HCN4: variants seen among roughly 807,000 people sequenced by gnomAD.
HCN4 encodes the protein potassium/sodium hyperpolarization-activated cyclic nucleotide-gated channel 4.
HCN4 carries 29 observed loss-of-function variants against 76.9 expected under a neutral mutation model. The ratio of observed to expected loss-of-function variants is 0.38; its 90% CI spans 0.28 to 0.51. The LOEUF (loss-of-function observed/expected upper bound fraction) is 0.51. HCN4 is among the 20% of genes least tolerant of loss of function. HCN4 has a pLI of 0.90. For missense variants in HCN4, 1,416 were observed against 1,715.2 expected (o/e 0.83, Z 3.08); for synonymous variants, 772 against 762.5 (o/e 1.01, Z -0.21).
chr15:73,365,452 T>C (rs1345788076), intron 1 of HCN4, among the ~76,000 whole-genome samples: 1 of 152,204 alleles, frequency 6.6e-6, no homozygotes, highest in African/African-American at 2.4e-5. Flanking sequence ...ACAATTCTGC[T>C]GTATCCCCGC....
chr15:73,352,339 C>T lies in HCN4; in HGVS notation c.786-8531G>A, dbSNP rs1007301795. On this transcript the variant is annotated intron_variant, in intron 1 of 7. Coordinates refer to ENST00000261917, the MANE Select transcript of HCN4 (RefSeq NM_005477.3). ...CCCTCAGAAACAGACTCCTTCCCAC[C>T]AGGCTTCCACAAGCCTCCGACAATC... 2.2e-4 allele frequency among the ~76,000 whole-genome samples: 34 copies of T among 152,330 alleles called. 1 individual carries two copies. Among genetic ancestry groups the T allele is most frequent in the African/African-American group, 8.2e-4 (34 of 41,576 alleles).
rs535266965 is a variant in HCN4 at position 73,347,499 on chromosome 15, G to C, written c.786-3691C>G. On this transcript the variant is annotated intron_variant, in intron 1 of 7. Transcript: ENST00000261917. Reference sequence around the variant, plus strand: ...GCTCCTGATGCTAGGGCTGTCTGAGGTAGAGGAAGTAGCACACCTCTCAAG... The same window carrying C: ...GCTCCTGATGCTAGGGCTGTCTGAGCTAGAGGAAGTAGCACACCTCTCAAG... Among the ~76,000 whole-genome samples, 60 of 152,174 alleles carry C rather than the reference G, an allele frequency of 3.9e-4. 1 individual carries two copies. The highest frequency in any genetic ancestry group is 6.6e-4 in the Non-Finnish European group (45 of 68,036).
rs2043143194 is a variant in HCN4, at chr15:73,368,747, G to C, written c.-477C>G. 1 of 152,012 alleles carries C rather than the reference G, an allele frequency of 6.6e-6. No individual in the cohort carries two copies. The highest frequency in any genetic ancestry group is 6.6e-5 in the Admixed American group (1 of 15,260). 9.4% of individuals were successfully genotyped at this position (152,012 alleles called of 1,614,324 possible). On this transcript the variant is annotated 5_prime_UTR_variant, in exon 1 of 8. Coordinates refer to ENST00000261917, the MANE Select transcript of HCN4 (RefSeq NM_005477.3). This position sits in a 1 kb window ranked among gnomAD's most constrained non-coding sequence, Gnocchi z 6.9. ...GTCTCGCCGCCCGGGCTTTGTGGCTGGCCACCCGCGAGCTCGCCTCGCCTC... is the reference window on the plus strand; with the variant it reads ...GTCTCGCCGCCCGGGCTTTGTGGCTCGCCACCCGCGAGCTCGCCTCGCCTC...
At chr15:73,361,121 C>G (rs191695776) in intron 1 of HCN4, among the ~76,000 whole-genome samples, 1 of 152,244 alleles carries the variant, frequency 6.6e-6, no homozygotes, top group Non-Finnish European at 1.5e-5. Flanking sequence ...ACCCACTATG[C>G]TGGCCAAACA....
At chr15:73,341,239 C>A (rs1457442386) in intron 2 of HCN4, among the ~76,000 whole-genome samples, 1 of 152,040 alleles carries the variant, frequency 6.6e-6, no homozygotes, top group East Asian at 1.9e-4. Flanking sequence ...CTCCTGGGTT[C>A]AAGCAATTCT....
In HCN4 at chr15:73,328,713, G is replaced by A. The variant is rs2042914858; in HGVS notation, c.1590+860C>T. On this transcript the variant is annotated intron_variant, in intron 4 of 7. Transcript: ENST00000261917. This position sits in a 1 kb window ranked among gnomAD's most constrained non-coding sequence, Gnocchi z 4.0. The stretch of plus-strand genomic sequence containing the variant: ...AGCTGGGGTAGGGCCCAGGTGGCCT[G>A]ACTCCAGGCCACAGGACTCATTCTC... Among the ~76,000 whole-genome samples the A allele has an allele frequency of 3.3e-5, 5 of 152,124 alleles. No homozygotes were observed. The South Asian group carries it at 8.3e-4, about 25-fold the overall frequency.
At chr15:73,350,120 G>A (rs1037678017) in intron 1 of HCN4, among the ~76,000 whole-genome samples, 4 of 152,084 alleles carry the variant, frequency 2.6e-5, no homozygotes, top group Admixed American at 2.0e-4. Flanking sequence ...CAGTTGTGCT[G>A]CACCTGTTTT....
At position 73,367,566 on chromosome 15, in the gene HCN4, G is replaced by C. The variant is rs769727427; in HGVS notation, c.705C>G (p.Gly235=). 6.8e-6 allele frequency: 11 copies of C among 1,614,048 alleles called. No homozygotes were observed. In the South Asian group the frequency reaches 1.1e-4, roughly 16 times the overall value. Residue 235 remains glycine, a synonymous_variant, in exon 1 of 8, where the codon GGC becomes GGG. Coordinates refer to ENST00000261917, the MANE Select transcript of HCN4 (RefSeq NM_005477.3). This position sits in a 1 kb window ranked among gnomAD's most constrained non-coding sequence, Gnocchi z 7.5. ...GTTCGCGCTCCACGGCTTTCTGGCT[G>C]CCGAACATCCTTAGGGAGAATTTGT... ...GVNKFSLRMF[G]SQKAVEREQE...
chr15:73,334,652 G>A lies in HCN4; in HGVS notation c.1210-2360C>T, dbSNP rs114978702. 9.1e-3 allele frequency among the ~76,000 whole-genome samples: 1,377 copies of A among 151,930 alleles called. 23 individuals are homozygous for A. Among genetic ancestry groups the A allele is most frequent in the African/African-American group, 0.032 (1,309 of 41,410 alleles). Reference sequence around the variant, plus strand: ...CAGCACCATTCACGGTCTCAGAGCCGGCCATCCTCCACACCTGCCTCCCCA... The same window carrying A: ...CAGCACCATTCACGGTCTCAGAGCCAGCCATCCTCCACACCTGCCTCCCCA... On this transcript the variant is annotated intron_variant, in intron 2 of 7. Coordinates refer to ENST00000261917, the MANE Select transcript of HCN4 (RefSeq NM_005477.3).
In HCN4 at chr15:73,328,267, C is replaced by T. The variant is rs1042739153; in HGVS notation, c.1590+1306G>A. Among the ~76,000 whole-genome samples, 5 of 151,492 alleles carry T rather than the reference C, an allele frequency of 3.3e-5. No homozygotes were observed. The highest frequency in any genetic ancestry group is 4.9e-5 in the African/African-American group (2 of 41,170). The stretch of plus-strand genomic sequence containing the variant: ...GGGAGGAGAGTTGAGGGTGAAAGCC[C>T]GTGTCTGGGTCCCATGGCAGGAGCA... On this transcript the variant is annotated intron_variant, in intron 4 of 7. Coordinates refer to ENST00000261917, the MANE Select transcript of HCN4 (RefSeq NM_005477.3). The surrounding 1 kb of genome is among the most constrained non-coding windows in gnomAD (Gnocchi z 4.0).
chr15:73,367,961 C>A lies in HCN4; in HGVS notation c.310G>T (p.Gly104Cys), dbSNP rs757662055. The stretch of plus-strand genomic sequence containing the variant: ...CCGCCGCTGCCGCCGCCCCGGCTGC[C>A]CAGCGAGGCCAGGCTCCCGCGGAAG... Reference protein sequence around the residue: ...RRFRGSLASLGSRGGGSGGTG... With the variant: ...RRFRGSLASLCSRGGGSGGTG... Residue 104 changes from glycine to cysteine, a missense_variant, in exon 1 of 8, where the codon GGC (glycine) becomes TGC (cysteine). Gly to Cys is a radical substitution (Grantham distance 159). This residue lies in a region of HCN4 where 355 missense variants were observed against 347.8 expected (regional missense o/e 1.02). Transcript: ENST00000261917. This position sits in a 1 kb window ranked among gnomAD's most constrained non-coding sequence, Gnocchi z 7.5. 1.5e-6 allele frequency: 2 copies of A among 1,346,680 alleles called. No homozygotes were observed. Among genetic ancestry groups the A allele is most frequent in the East Asian group, 3.0e-5 (1 of 33,234 alleles). 83.4% of individuals were successfully genotyped at this position (1,346,680 alleles called of 1,614,324 possible).
At chr15:73,324,856 G>A (rs1179448223) in intron 6 of HCN4, 99 bp downstream of exon 6, 3 of 1,462,738 alleles carry the variant, frequency 2.1e-6, no homozygotes, top group South Asian at 1.2e-5. Flanking sequence ...TCCAGGCTGT[G>A]GCCAAGAAGG....
intron 1 of HCN4, among the ~76,000 whole-genome samples, chr15:73,357,840 C>T (rs1165136876): frequency 2.6e-5 from 4 of 152,170 alleles, no homozygotes; most frequent in Admixed American, 1.3e-4. Flanking sequence ...GTCCCTGGCC[C>T]CCAGGGACTG....
intron 1 of HCN4, among the ~76,000 whole-genome samples, chr15:73,358,276 GA>G (rs1182398807): frequency 6.6e-6 from 1 of 152,220 alleles, no homozygotes; most frequent in Admixed American, 6.5e-5. Context: ...CTAATGGCAT[GA>G]ACGGGACCTG....
Position 73,343,525 on chromosome 15 carries a change from G to A in HCN4, c.1069C>T (p.Leu357Phe). 1 of 1,614,212 alleles carries A rather than the reference G, an allele frequency of 6.2e-7. No homozygotes were observed. The highest frequency in any genetic ancestry group is 8.5e-7 in the Non-Finnish European group (1 of 1,180,036). Residue 357 changes from leucine (L) to phenylalanine (F), a missense_variant, in exon 2 of 8, where the codon CTC (leucine) becomes TTC (phenylalanine). By Grantham distance (22) the Leu-to-Phe change is conservative. Coordinates refer to ENST00000261917, the MANE Select transcript of HCN4 (RefSeq NM_005477.3). The surrounding 1 kb of genome is among the most constrained non-coding windows in gnomAD (Gnocchi z 5.7). ...ISSIPVDYIF[L>F]IVETRIDSEV... ...GAGTCGATGCGTGTCTCCACAATGA[G>A]GAAGATGTAGTCCACGGGGATGGAG...
intron 2 of HCN4, among the ~76,000 whole-genome samples, chr15:73,337,268 G>A (rs1339645079): frequency 6.6e-6 from 1 of 152,208 alleles, no homozygotes; most frequent in Non-Finnish European, 1.5e-5. Context: ...ACTGACTTGC[G>A]TGCTGCTGCA....
At chr15:73,344,361 C>T (rs2043021037) in intron 1 of HCN4, among the ~76,000 whole-genome samples, 1 of 152,196 alleles carries the variant, frequency 6.6e-6, no homozygotes. Context: ...ATGTGACATC[C>T]GGAAGGGCCT....
Position 73,323,106 on chromosome 15 carries a change from G to A in HCN4, c.2987C>T (p.Thr996Ile). The A allele has an allele frequency of 1.9e-6, 3 of 1,592,192 alleles. No homozygotes were observed. The highest frequency in any genetic ancestry group is 2.6e-6 in the Non-Finnish European group (3 of 1,171,052). ...CGGCGGCTCAGGCTGCCGTGGGGGT[G>A]TCTCTGGCGTGCTCAGTGGGCCAGT... ...LATGPLSTPE[T>I]PPRQPEPPSL... The change falls in exon 8 of 8, where the codon ACA becomes ATA. Residue 996 changes from threonine to isoleucine, a missense_variant. Physicochemically the swap from Thr to Ile is moderately conservative, Grantham distance 89. Transcript: ENST00000261917.
intron 1 of HCN4, among the ~76,000 whole-genome samples, chr15:73,366,260 ATC>A (rs763155480): frequency 1.3e-5 from 2 of 151,998 alleles, no homozygotes; most frequent in Non-Finnish European, 2.9e-5. Flanking sequence ...AGTGCGAGAA[ATC>A]TCTCTCATTG....
Sources: gnomAD v4.1 joint callset for allele counts (sites outside exome capture counted in the v4.1 genomes callset) on GRCh38, gnomAD v4.1.1 for gene constraint, gnomAD v4.1.1 regional missense constraint, Gnocchi (gnomAD v3.1) non-coding constraint, MANE v1.5 for transcripts, NCBI Gene and HGNC (gene_info 2026-07-23, HGNC 2026-07-21) for gene names.